The following CFAP43 variants were observed in gnomAD, a reference collection of about 807,000 sequenced individuals.
CFAP43 encodes the protein cilia- and flagella-associated protein 43.
CFAP43 carries 155 observed loss-of-function variants against 218.9 expected under a neutral mutation model. The ratio of observed to expected loss-of-function variants is 0.71; its 90% CI spans 0.62 to 0.81. The LOEUF (loss-of-function observed/expected upper bound fraction) is 0.81, where lower values mean the gene tolerates loss of function less well. Among genes scored for constraint, CFAP43 ranks in the 30% least tolerant of loss-of-function variants. The pLI is 0.00. For synonymous variants in CFAP43, 645 were observed against 681.3 expected (o/e 0.95, Z 0.83); for missense variants, 1,778 against 1,954.3 (o/e 0.91, Z 1.70).
At chr10:104,172,606 T>A in intron 19 of CFAP43, 71 bp from the exon 20 acceptor site, 3 of 1,320,748 alleles carry the variant, frequency 2.3e-6, no homozygotes, top group Non-Finnish European at 3.0e-6. Flanking sequence ...TTTCTTAGTT[T>A]CTTTTAGGCA....
Position 104,230,876 on chromosome 10 carries a change from T to C in CFAP43, c.66-33A>G, listed in dbSNP as rs1479235874. The C allele has an allele frequency of 2.6e-6, 4 of 1,546,326 alleles. No homozygotes were observed. In the East Asian group the frequency reaches 6.8e-5, roughly 26 times the overall value. On this transcript the variant is annotated intron_variant, in intron 1 of 37. Coordinates refer to ENST00000357060, the MANE Select transcript of CFAP43 (RefSeq NM_025145.7). ...AAAAGATATGTCAACATCAATATAA[T>C]ACATTTCAAATACTTTTTTTTTTTT...
chr10:104,227,758 T>C (rs2091340134), intron 2 of CFAP43, among the ~76,000 whole-genome samples: 1 of 151,992 alleles, frequency 6.6e-6, no homozygotes, highest in Admixed American at 6.6e-5. Context: ...AATATGTCTG[T>C]CTTTTCTAAG....
chr10:104,221,457 AAG>A (rs1303342841), intron 3 of CFAP43, among the ~76,000 whole-genome samples: 7 of 152,180 alleles, frequency 4.6e-5, no homozygotes. Context: ...GTCCTTATAA[AAG>A]AGAGCTAGCT....
At chr10:104,217,298 C>T (rs2134986072) in intron 3 of CFAP43, among the ~76,000 whole-genome samples, 1 of 152,224 alleles carries the variant, frequency 6.6e-6, no homozygotes, top group East Asian at 1.9e-4. Flanking sequence ...GTGCACCTTC[C>T]AAGCCTTGCA....
chr10:104,155,515 T>C (rs1287737677), intron 27 of CFAP43, among the ~76,000 whole-genome samples: 1 of 152,098 alleles, frequency 6.6e-6, no homozygotes, highest in Non-Finnish European at 1.5e-5. Context: ...CCGTCTTCAC[T>C]CCACATAATG....
At chr10:104,151,546 T>C (rs1420098521) in intron 28 of CFAP43, among the ~76,000 whole-genome samples, 1 of 152,234 alleles carries the variant, frequency 6.6e-6, no homozygotes, top group Non-Finnish European at 1.5e-5. Flanking sequence ...ATGTATGTCT[T>C]CTTTAGAAAA....
Position 104,179,884 on chromosome 10 carries a change from C to A in CFAP43, c.2338G>T (p.Asp780Tyr), listed in dbSNP as rs368404211. Residue 780 changes from aspartate (D) to tyrosine (Y), a missense_variant, in exon 18 of 38, where the codon GAT becomes TAT. Transcript: ENST00000357060. ...ATCCAAGGAATTTCCTTCTTAACAT[C>A]GGTTAGAACTAATTCATCTTGTGAT... ...DLSQDELVLT[D>Y]VKKEIPWIQQ... 8.1e-6 allele frequency: 13 copies of A among 1,613,748 alleles called. 1 individual carries two copies. The South Asian group carries it at 1.3e-4, about 16-fold the overall frequency.
chr10:104,200,337 G>A (rs1300562785), intron 8 of CFAP43, among the ~76,000 whole-genome samples: 1 of 151,218 alleles, frequency 6.6e-6, no homozygotes, highest in Non-Finnish European at 1.5e-5. Flanking sequence ...TGGGCCAGGA[G>A]AACAAACAGC....
At chr10:104,230,443 C>G (rs949749099) in intron 2 of CFAP43, 147 bp downstream of exon 2, 4 of 1,048,932 alleles carry the variant, frequency 3.8e-6, no homozygotes, top group Non-Finnish European at 2.7e-6. Context: ...CCAGCCTAGG[C>G]AACAGGGCAA....
At chr10:104,173,545 G>A (rs75406216) in intron 19 of CFAP43, among the ~76,000 whole-genome samples, 69 of 152,340 alleles carry the variant, frequency 4.5e-4, no homozygotes, top group African/African-American at 1.6e-3. Context: ...CTAGGGTCCA[G>A]CAGTAGTAAC....
chr10:104,230,495 C>A lies in CFAP43; in HGVS notation c.319+95G>T, dbSNP rs1205992238. ...AAACACAAAAAACAAACAAAAAAAA[C>A]CTTTCAAAAAATAAATCTTCACTTA... On this transcript the variant is annotated intron_variant, in intron 2 of 37. Transcript: ENST00000357060. 8.9e-6 allele frequency: 13 copies of A among 1,467,592 alleles called. 1 individual carries two copies. The highest frequency in any genetic ancestry group is 1.9e-4 in the Middle Eastern group (1 of 5,318). The allele number at this position is 1,467,592 out of a possible 1,614,324, so 90.9% of individuals were successfully genotyped here. A position where few individuals can be genotyped will look rare whatever the true frequency, so the allele number is the denominator to read the frequency against.
At position 104,214,538 on chromosome 10, in the gene CFAP43, T is replaced by TA; in HGVS notation, c.417-113dup. 3 of 938,352 alleles carry TA rather than the reference T, an allele frequency of 3.2e-6. No homozygotes were observed. The South Asian group carries it at 6.3e-5, about 20-fold the overall frequency. The allele number at this position is 938,352 out of a possible 1,614,324, so 58.1% of individuals were successfully genotyped here. A position where few individuals can be genotyped will look rare whatever the true frequency, so the allele number is the denominator to read the frequency against. ...TTGGGATATAATTTATGATACAATT[T>TA]ATATAATCAATGACCTTAATGTCAA... is the stretch of plus-strand genomic sequence containing the variant. On this transcript the variant is annotated intron_variant, in intron 3 of 37. Coordinates refer to ENST00000357060, the MANE Select transcript of CFAP43 (RefSeq NM_025145.7).
At chr10:104,209,718 A>C (rs2090794783) in intron 5 of CFAP43, among the ~76,000 whole-genome samples, 1 of 152,216 alleles carries the variant, frequency 6.6e-6, no homozygotes, top group African/African-American at 2.4e-5. Context: ...TCTGGCACCA[A>C]ATACTAAACA....
intron 4 of CFAP43, among the ~76,000 whole-genome samples, chr10:104,212,691 C>A (rs1316364360): frequency 6.6e-6 from 1 of 152,174 alleles, no homozygotes; most frequent in Non-Finnish European, 1.5e-5. Flanking sequence ...TATTCAGCTA[C>A]TTTTATAATC....
chr10:104,131,319 A>G lies in CFAP43; in HGVS notation c.4831+12T>C, dbSNP rs767003986. On this transcript the variant is annotated intron_variant, in intron 37 of 37. Transcript: ENST00000357060. Reference sequence around the variant, plus strand: ...AACCTACAGTTGGTTAAAGAAAAAAAAGCATGCTTACCCATTGCATTACAG... The same window carrying G: ...AACCTACAGTTGGTTAAAGAAAAAAGAGCATGCTTACCCATTGCATTACAG... 8.8e-6 allele frequency: 14 copies of G among 1,597,254 alleles called. 1 individual carries two copies. The Admixed American group carries it at 2.4e-4, about 27-fold the overall frequency.
intron 2 of CFAP43, among the ~76,000 whole-genome samples, chr10:104,227,835 CTTTTTTTTTTTTTTTTT>C (rs776193577): frequency 1.5e-4 from 9 of 58,372 alleles, no homozygotes; most frequent in Admixed American, 7.9e-4. Flanking sequence ...ATGTTTTCTA[CTTTTTTTTTTTTTTTTT>C]TTTTTTTTTT....
At chr10:104,190,045 G>A (rs2090158640) in intron 12 of CFAP43, among the ~76,000 whole-genome samples, 1 of 148,384 alleles carries the variant, frequency 6.7e-6, no homozygotes. Context: ...GCGGGCGCCT[G>A]TAGGCCCAGC....
intron 35 of CFAP43, among the ~76,000 whole-genome samples, chr10:104,133,263 G>C (rs1208212354): frequency 6.6e-6 from 1 of 152,178 alleles, no homozygotes. Flanking sequence ...AGGCAAAAGA[G>C]AATCCAGTAA....
In CFAP43 at chr10:104,223,754, G is replaced by A. The variant is rs573835726; in HGVS notation, c.416+1707C>T. Reference sequence around the variant, plus strand: ...ACTCAGTTTGTGATACTTTGTTACAGAAGCCCTAGCAAGCTAATACAGTAC... The same window carrying A: ...ACTCAGTTTGTGATACTTTGTTACAAAAGCCCTAGCAAGCTAATACAGTAC... On this transcript the variant is annotated intron_variant, in intron 3 of 37. Coordinates refer to ENST00000357060, the MANE Select transcript of CFAP43 (RefSeq NM_025145.7). Among the ~76,000 whole-genome samples the A allele has an allele frequency of 7.2e-4, 110 of 152,294 alleles. 1 individual carries two copies. The highest frequency in any genetic ancestry group is 1.5e-3 in the Non-Finnish European group (102 of 68,026).
Sources: gnomAD v4.1 joint callset for allele counts (sites outside exome capture counted in the v4.1 genomes callset) on GRCh38, gnomAD v4.1.1 for gene constraint, MANE v1.5 for transcripts, NCBI Gene and HGNC (gene_info 2026-07-23, HGNC 2026-07-21) for gene names.